Variants in REV1 observed in about 807,000 individuals in gnomAD.
The protein encoded by REV1 is translesion synthesis protein REV1.
Under a neutral mutation model 137.4 loss-of-function variants are expected in REV1, and 42 were observed. The ratio of observed to expected loss-of-function variants is 0.31; its 90% CI spans 0.24 to 0.40. The LOEUF is 0.40. Among genes scored for constraint, REV1 ranks in the 10% least tolerant of loss-of-function variants. REV1 has a pLI of 1.00. For missense variants in REV1, 1,282 were observed against 1,490.1 expected, an observed-to-expected ratio of 0.86 and a Z score of 2.30; for synonymous variants, 524 against 519.2, an observed-to-expected ratio of 1.01 and a Z score of -0.12.
At chr2:99,424,384 C>A in intron 9 of REV1, 104 bp from the exon 10 acceptor site, 1 of 1,190,234 alleles carries the variant, frequency 8.4e-7, no homozygotes, top group Non-Finnish European at 1.2e-6. Flanking sequence ...TTATAATTTC[C>A]ACTTAACTCC....
chr2:99,473,172 C>T (rs1277632657), intron 1 of REV1, among the ~76,000 whole-genome samples: 1 of 152,014 alleles, frequency 6.6e-6, no homozygotes, highest in Non-Finnish European at 1.5e-5. Flanking sequence ...TTGAGACCAG[C>T]TTGACCAATG....
intron 1 of REV1, among the ~76,000 whole-genome samples, chr2:99,469,468 T>C (rs930331655): frequency 3.0e-4 from 45 of 152,168 alleles, no homozygotes; most frequent in African/African-American, 9.9e-4. Flanking sequence ...CCAACTGAAT[T>C]ACAGGCTGTC....
intron 8 of REV1, among the ~76,000 whole-genome samples, chr2:99,433,909 G>T (rs1396539224): frequency 2.0e-5 from 3 of 152,140 alleles, no homozygotes; most frequent in Non-Finnish European, 4.4e-5. Flanking sequence ...AAAGCATATG[G>T]AGAATGATTA....
chr2:99,403,438 G>T (rs770188297), intron 19 of REV1: 19 of 570,842 alleles, frequency 3.3e-5, no homozygotes, highest in Non-Finnish European at 5.2e-5. Flanking sequence ...AAGTATTTAA[G>T]ACATTTGTGG....
intron 12 of REV1, among the ~76,000 whole-genome samples, chr2:99,416,033 C>T (rs1677806473): frequency 6.6e-6 from 1 of 152,206 alleles, no homozygotes. Flanking sequence ...TTGTGTTTTT[C>T]CTTCTTATGT....
intron 15 of REV1, chr2:99,406,849 A>C (rs1201404082): frequency 6.3e-6 from 1 of 159,774 alleles, no homozygotes; most frequent in Non-Finnish European, 1.4e-5. Context: ...TCTACTTGGA[A>C]ACTTCACTAT....
At chr2:99,443,568 G>A (rs1438887075) in intron 4 of REV1, among the ~76,000 whole-genome samples, 1 of 152,272 alleles carries the variant, frequency 6.6e-6, no homozygotes, top group South Asian at 2.1e-4. Flanking sequence ...TACAGAGTAT[G>A]TCCTTTATAT....
intron 2 of REV1, 102 bp downstream of exon 2, chr2:99,464,820 A>T: frequency 9.0e-7 from 1 of 1,107,446 alleles, no homozygotes; most frequent in Non-Finnish European, 1.4e-6. Flanking sequence ...TGGTGTCTAA[A>T]GTAATTTACA....
At chr2:99,404,375 A>C in intron 18 of REV1, 69 bp downstream of exon 18, 1 of 1,258,966 alleles carries the variant, frequency 7.9e-7, no homozygotes, top group Non-Finnish European at 1.1e-6. Flanking sequence ...GAAGTGAGAC[A>C]GGTCCTAAGT....
intron 3 of REV1, among the ~76,000 whole-genome samples, chr2:99,452,771 A>G (rs1351294055): frequency 6.6e-6 from 1 of 152,238 alleles, no homozygotes; most frequent in Non-Finnish European, 1.5e-5. Flanking sequence ...ACCCTCCAGC[A>G]AAAGTGGAGT....
chr2:99,463,381 T>C (rs978082452), intron 2 of REV1, among the ~76,000 whole-genome samples: 16 of 150,670 alleles, frequency 1.1e-4, no homozygotes, highest in Non-Finnish European at 2.1e-4. Context: ...CAGCTGGGTG[T>C]GGTGGTGCAT....
At chr2:99,430,188 G>GA (rs1679938368) in intron 8 of REV1, among the ~76,000 whole-genome samples, 1 of 146,850 alleles carries the variant, frequency 6.8e-6, no homozygotes. Flanking sequence ...TGGGAGGTTT[G>GA]TTTTTTTTTT....
chr2:99,450,759 A>G (rs1301601634), intron 3 of REV1, among the ~76,000 whole-genome samples: 2 of 152,200 alleles, frequency 1.3e-5, no homozygotes, highest in Non-Finnish European at 2.9e-5. Flanking sequence ...ACATGTAATC[A>G]ACAGAAAAAA....
intron 1 of REV1, among the ~76,000 whole-genome samples, chr2:99,468,676 C>A (rs1034007672): frequency 1.3e-5 from 2 of 152,202 alleles, no homozygotes; most frequent in Admixed American, 6.5e-5. Context: ...AAATAACCTG[C>A]CAATCTCTCC....
At chr2:99,408,241 A>T in intron 14 of REV1, 110 bp from the exon 15 acceptor site, 1 of 538,376 alleles carries the variant, frequency 1.9e-6, no homozygotes, top group Non-Finnish European at 3.1e-6. Context: ...AAACAGTTAC[A>T]AAGAAGATTA....
At chr2:99,436,117 A>T (rs955409465) in intron 6 of REV1, among the ~76,000 whole-genome samples, 176 bp from the exon 7 acceptor site, 2 of 107,022 alleles carry the variant, frequency 1.9e-5, no homozygotes, top group Non-Finnish European at 3.9e-5. Flanking sequence ...GCCAAATTTA[A>T]TTAAGTCTCT....
intron 1 of REV1, among the ~76,000 whole-genome samples, chr2:99,479,195 G>A (rs961391000): frequency 1.3e-5 from 2 of 151,852 alleles, no homozygotes; most frequent in Non-Finnish European, 2.9e-5. Context: ...AGGTGTGGTG[G>A]CACTCCCCTG....
At position 99,439,100 on chromosome 2, in the gene REV1, T is replaced by G. The variant is rs568932206; in HGVS notation, c.714A>C (p.Thr238=). Reference sequence around the variant, plus strand: ...TGACCATGGGCACCAAGCAATCCTGTGTCTTTAAGGCACCATTAGAGCTAG... The same window carrying G: ...TGACCATGGGCACCAAGCAATCCTGGGTCTTTAAGGCACCATTAGAGCTAG... ...HTPSSNGALK[T]QDCLVPMVNS... Residue 238 remains threonine, a synonymous_variant, in exon 6 of 23, where the codon ACA becomes ACC. Transcript: ENST00000258428. 1.9e-6 allele frequency: 3 copies of G among 1,614,140 alleles called. No individual in the cohort carries two copies. Among genetic ancestry groups the G allele is most frequent in the African/African-American group, 2.7e-5 (2 of 75,032 alleles).
chr2:99,400,758 G>GAGAC lies in REV1; in HGVS notation c.*479_*482dup, dbSNP rs1388593662. On this transcript the variant is annotated 3_prime_UTR_variant, in exon 23 of 23. Coordinates refer to ENST00000258428, the MANE Select transcript of REV1 (RefSeq NM_016316.4). ...TAACATGCTCCTGTGTTCATGCTTG[G>GAGAC]AGACAAGAATAAGATGGTTTAGAAG... 1 of 152,654 alleles carries GAGAC rather than the reference G, an allele frequency of 6.6e-6. No homozygotes were observed. The highest frequency in any genetic ancestry group is 1.5e-5 in the Non-Finnish European group (1 of 68,164). 9.5% of individuals were successfully genotyped at this position (152,654 alleles called of 1,614,324 possible).
Sources: gnomAD v4.1 joint callset for allele counts (sites outside exome capture counted in the v4.1 genomes callset) on GRCh38, gnomAD v4.1.1 for gene constraint, MANE v1.5 for transcripts, NCBI Gene and HGNC (gene_info 2026-07-23, HGNC 2026-07-21) for gene names.